MLLT10: variants seen among roughly 807,000 people sequenced by gnomAD.
MLLT10 encodes the protein protein AF-10.
MLLT10 carries 30 observed loss-of-function variants against 129.1 expected under a neutral mutation model. The observed-to-expected ratio is 0.23, with a 90% CI of 0.17 to 0.32. The LOEUF (loss-of-function observed/expected upper bound fraction) is 0.32, where lower values mean the gene tolerates loss of function less well. MLLT10 is among the 10% of genes least tolerant of loss of function. The pLI is 1.00. For synonymous variants in MLLT10, 490 were observed against 446.4 expected (o/e 1.10, Z -1.23); for missense variants, 1,119 against 1,268.3 (o/e 0.88, Z 1.79).
chr10:21,707,238 G>A (rs1242256847), intron 13 of MLLT10, among the ~76,000 whole-genome samples: 2 of 148,134 alleles, frequency 1.4e-5, no homozygotes, highest in Non-Finnish European at 1.5e-5. Context: ...TGTTGCCCAG[G>A]CTGGAGTGCA....
At chr10:21,586,679 G>C (rs2042014519) in intron 4 of MLLT10, among the ~76,000 whole-genome samples, 1 of 152,102 alleles carries the variant, frequency 6.6e-6, no homozygotes, top group Admixed American at 6.6e-5. Flanking sequence ...CCTGAGGTCA[G>C]GAGTCGAGAC....
At chr10:21,597,935 T>G (rs1236509389) in intron 5 of MLLT10, among the ~76,000 whole-genome samples, 3 of 152,206 alleles carry the variant, frequency 2.0e-5, no homozygotes, top group Non-Finnish European at 4.4e-5. Flanking sequence ...GTCTGTCAGT[T>G]TTCTCCACAG....
intron 13 of MLLT10, among the ~76,000 whole-genome samples, chr10:21,704,160 C>T (rs982434788): frequency 1.3e-5 from 2 of 149,726 alleles, no homozygotes; most frequent in African/African-American, 4.9e-5. Context: ...CAGGCAGGTA[C>T]CACCACACCT....
chr10:21,591,900 T>C (rs1013349671), intron 4 of MLLT10, among the ~76,000 whole-genome samples: 2 of 152,284 alleles, frequency 1.3e-5, no homozygotes, highest in Admixed American at 6.5e-5. Context: ...TTTGTATTTT[T>C]AGTAGAGACA....
chr10:21,576,882 C>T (rs1378180507), intron 3 of MLLT10, among the ~76,000 whole-genome samples: 8 of 152,130 alleles, frequency 5.3e-5, no homozygotes, highest in African/African-American at 1.7e-4. Flanking sequence ...TCGCCCGCCT[C>T]GGCCTCCTAA....
chr10:21,662,811 C>G (rs1488233662), intron 9 of MLLT10, among the ~76,000 whole-genome samples: 3 of 152,140 alleles, frequency 2.0e-5, no homozygotes, highest in African/African-American at 2.4e-5. Flanking sequence ...AGTTAACGTG[C>G]TAGTGAATTG....
chr10:21,584,453 G>A (rs1458120700), intron 3 of MLLT10, among the ~76,000 whole-genome samples: 15 of 152,056 alleles, frequency 9.9e-5, no homozygotes, highest in African/African-American at 1.4e-4. Flanking sequence ...GTGAGCCACC[G>A]CGCCCAGCCA....
At chr10:21,735,047 A>C (rs2058251741) in intron 20 of MLLT10, 92 bp from the exon 21 acceptor site, 1 of 858,496 alleles carries the variant, frequency 1.2e-6, no homozygotes, top group Non-Finnish European at 1.9e-6. Context: ...AAGTTATTAA[A>C]CATCAAATTG....
chr10:21,733,482 T>G (rs2131579405), intron 18 of MLLT10, 22 bp from the exon 19 acceptor site: 1 of 1,416,834 alleles, frequency 7.1e-7, no homozygotes, highest in African/African-American at 1.4e-5. Context: ...AATAGGTTTC[T>G]TTTTGTCTTT....
At chr10:21,547,559 C>T (rs1379385159) in intron 3 of MLLT10, among the ~76,000 whole-genome samples, 1 of 151,038 alleles carries the variant, frequency 6.6e-6, no homozygotes, top group African/African-American at 2.4e-5. Flanking sequence ...GTCTCACTGT[C>T]ACCCAGGCTG....
intron 13 of MLLT10, among the ~76,000 whole-genome samples, chr10:21,692,423 G>C (rs901562447): frequency 6.6e-6 from 1 of 152,006 alleles, no homozygotes; most frequent in Non-Finnish European, 1.5e-5. Flanking sequence ...TCCCGCCTCA[G>C]CTTCCCAAAT....
intron 21 of MLLT10, chr10:21,738,475 G>A (rs913625715): frequency 1.6e-6 from 2 of 1,288,944 alleles, no homozygotes; most frequent in African/African-American, 3.0e-5. Flanking sequence ...TGGAGACCAT[G>A]AGGACTAAAG....
chr10:21,626,449 C>T (rs370188375), intron 8 of MLLT10, among the ~76,000 whole-genome samples: 15 of 152,096 alleles, frequency 9.9e-5, no homozygotes, highest in African/African-American at 3.6e-4. Flanking sequence ...GAACGGGAGA[C>T]CAAACATGAG....
rs2051032422 is a variant in MLLT10 at position 21,668,255 on chromosome 10, T to A, written c.796-2194T>A. Among the ~76,000 whole-genome samples, 3 of 152,110 alleles carry A rather than the reference T, an allele frequency of 2.0e-5. No individual in the cohort carries two copies. In the South Asian group the frequency reaches 6.2e-4, roughly 31 times the overall value. On this transcript the variant is annotated intron_variant, in intron 9 of 22. Transcript: ENST00000307729. ...AGGAAACAAGATTTTGTGAATTTAG[T>A]CTTGGGCTTACTCATAGTGTGTCTT...
chr10:21,598,898 G>C (rs72794855), intron 5 of MLLT10, among the ~76,000 whole-genome samples: 1,899 of 151,524 alleles, frequency 0.013, 15 homozygotes, highest in Middle Eastern at 0.041. Flanking sequence ...AAAAAAAATT[G>C]GCTGGGCCTG....
chr10:21,725,320 G>GT (rs2057405181), intron 14 of MLLT10, among the ~76,000 whole-genome samples: 1 of 152,198 alleles, frequency 6.6e-6, no homozygotes, highest in Non-Finnish European at 1.5e-5. Flanking sequence ...TTAGTCTCAT[G>GT]TCCACATGGT....
chr10:21,662,624 A>G (rs1331472691), intron 9 of MLLT10, among the ~76,000 whole-genome samples: 1 of 152,114 alleles, frequency 6.6e-6, no homozygotes, highest in African/African-American at 2.4e-5. Flanking sequence ...ATTCCTTATC[A>G]TATTAATTAT....
At chr10:21,610,023 C>T (rs2044442954) in intron 5 of MLLT10, among the ~76,000 whole-genome samples, 1 of 152,160 alleles carries the variant, frequency 6.6e-6, no homozygotes. Context: ...TTACAGTCCC[C>T]TTAAGTGTAC....
intron 8 of MLLT10, among the ~76,000 whole-genome samples, chr10:21,639,971 C>T (rs566133094): frequency 6.6e-6 from 1 of 151,664 alleles, no homozygotes; most frequent in South Asian, 2.1e-4. Context: ...CTAAAGCACC[C>T]CATTATAACA....
Sources: gnomAD v4.1 joint callset for allele counts (sites outside exome capture counted in the v4.1 genomes callset) on GRCh38, gnomAD v4.1.1 for gene constraint, MANE v1.5 for transcripts, NCBI Gene and HGNC (gene_info 2026-07-23, HGNC 2026-07-21) for gene names.